The following GRID2 variants were observed in gnomAD, a reference collection of about 807,000 sequenced individuals.
GRID2 encodes the protein glutamate receptor ionotropic, delta-2.
GRID2 carries 33 observed loss-of-function variants against 114.8 expected under a neutral mutation model. The observed-to-expected ratio is 0.29, with a 90% CI of 0.22 to 0.38. GRID2 has a LOEUF of 0.38. Ranked by LOEUF, GRID2 falls within the 10% of genes least tolerant of loss-of-function variation. GRID2 has a pLI of 1.00. For missense variants in GRID2, 1,184 were observed against 1,257.7 expected, an observed-to-expected ratio of 0.94 and a Z score of 0.89; for synonymous variants, 505 against 449.9, an observed-to-expected ratio of 1.12 and a Z score of -1.55.
At chr4:92,803,677 A>AT (rs1740278870) in intron 2 of GRID2, among the ~76,000 whole-genome samples, 1 of 151,982 alleles carries the variant, frequency 6.6e-6, no homozygotes, top group African/African-American at 2.4e-5. Context: ...GCCCACTCAC[A>AT]TGTGTTTATC....
chr4:93,027,461 G>C (rs1560808006), intron 2 of GRID2, among the ~76,000 whole-genome samples: 1 of 152,004 alleles, frequency 6.6e-6, no homozygotes, highest in Admixed American at 6.6e-5. Context: ...TGTACTCCTG[G>C]TTGTATACTA....
At chr4:92,457,715 C>T (rs1721285824) in intron 1 of GRID2, among the ~76,000 whole-genome samples, 1 of 151,782 alleles carries the variant, frequency 6.6e-6, no homozygotes, top group African/African-American at 2.4e-5. Flanking sequence ...CAGCTGAGAC[C>T]TTTTTTTTAA....
chr4:93,466,015 A>T (rs940493392), intron 11 of GRID2, among the ~76,000 whole-genome samples: 1 of 152,186 alleles, frequency 6.6e-6, no homozygotes, highest in Non-Finnish European at 1.5e-5. Context: ...TTATATAGTA[A>T]ATTCTTTGGG....
chr4:92,405,964 G>A (rs960255518), intron 1 of GRID2, among the ~76,000 whole-genome samples: 13 of 152,266 alleles, frequency 8.5e-5, no homozygotes, highest in Non-Finnish European at 1.3e-4. Flanking sequence ...GAGCCAGTCT[G>A]AGTCCCAAAA....
At chr4:92,520,843 A>T (rs72661929) in intron 1 of GRID2, among the ~76,000 whole-genome samples, 32,693 of 151,842 alleles carry the variant, frequency 0.22, 4,234 homozygotes, top group Non-Finnish European at 0.29. Flanking sequence ...CTCCCTTTGT[A>T]ACTAAGATCT....
At chr4:93,294,888 G>A (rs1242514950) in intron 8 of GRID2, among the ~76,000 whole-genome samples, 1 of 152,048 alleles carries the variant, frequency 6.6e-6, no homozygotes, top group Non-Finnish European at 1.5e-5. Context: ...AGGAGAAAGT[G>A]TCCCTGTTTG....
intron 14 of GRID2, among the ~76,000 whole-genome samples, chr4:93,738,292 C>A (rs958586704): frequency 7.2e-5 from 11 of 152,100 alleles, no homozygotes; most frequent in Admixed American, 7.2e-4. Context: ...TTAGCAAGTG[C>A]AGTAGGAATC....
intron 2 of GRID2, among the ~76,000 whole-genome samples, chr4:92,834,133 C>T (rs1046633835): frequency 2.0e-5 from 3 of 152,118 alleles, no homozygotes; most frequent in South Asian, 2.1e-4. Context: ...AGGATTTCCC[C>T]TGAACCTTTA....
chr4:93,557,467 C>T (rs1336050641), intron 13 of GRID2, among the ~76,000 whole-genome samples: 1 of 151,942 alleles, frequency 6.6e-6, no homozygotes, highest in Non-Finnish European at 1.5e-5. Flanking sequence ...GACTTTAAAC[C>T]AACAAAGATC....
chr4:93,201,308 G>A (rs985918093), intron 4 of GRID2, among the ~76,000 whole-genome samples: 2 of 152,168 alleles, frequency 1.3e-5, no homozygotes, highest in African/African-American at 2.4e-5. Flanking sequence ...ATTACTTTTA[G>A]TGGAACTAGT....
intron 1 of GRID2, among the ~76,000 whole-genome samples, chr4:92,555,123 A>T (rs1726788193): frequency 6.6e-6 from 1 of 152,148 alleles, no homozygotes; most frequent in Non-Finnish European, 1.5e-5. Flanking sequence ...ATAAAATATT[A>T]AATAAAAGAG....
At chr4:92,673,828 T>A (rs1579815232) in intron 2 of GRID2, among the ~76,000 whole-genome samples, 1 of 150,504 alleles carries the variant, frequency 6.6e-6, no homozygotes, top group Non-Finnish European at 1.5e-5. Context: ...TGTCATGGGG[T>A]GGGGAGGAAG....
chr4:92,632,382 C>T (rs755171063), intron 2 of GRID2, among the ~76,000 whole-genome samples: 5 of 152,104 alleles, frequency 3.3e-5, no homozygotes, highest in Non-Finnish European at 7.4e-5. Context: ...CACCTGTAAT[C>T]CCAAGAATTT....
Position 92,863,843 on chromosome 4 carries a change from A to G in GRID2, c.245-221152A>G, listed in dbSNP as rs965899450. Reference sequence around the variant, plus strand: ...GTGCCCTGAGATCATCGCACTCTCGATGTTATTTAACTAAGATCTATGACC... The same window carrying G: ...GTGCCCTGAGATCATCGCACTCTCGGTGTTATTTAACTAAGATCTATGACC... On this transcript the variant is annotated intron_variant, in intron 2 of 15. Coordinates refer to ENST00000282020, the MANE Select transcript of GRID2 (RefSeq NM_001510.4). Among the ~76,000 whole-genome samples the G allele has an allele frequency of 1.2e-4, 19 of 152,224 alleles. 1 individual carries two copies. Among genetic ancestry groups the G allele is most frequent in the African/African-American group, 4.3e-4 (18 of 41,570 alleles).
chr4:93,312,796 T>C (rs368072924), intron 8 of GRID2, among the ~76,000 whole-genome samples: 2 of 152,318 alleles, frequency 1.3e-5, no homozygotes, highest in East Asian at 1.9e-4. Context: ...TTCCATTAGT[T>C]CACTACCCAT....
At chr4:92,907,116 C>T (rs1403501704) in intron 2 of GRID2, among the ~76,000 whole-genome samples, 1 of 152,140 alleles carries the variant, frequency 6.6e-6, no homozygotes, top group African/African-American at 2.4e-5. Flanking sequence ...ATGAGCCAAA[C>T]TTCATGATCA....
intron 14 of GRID2, among the ~76,000 whole-genome samples, chr4:93,741,185 A>ATATATATATGTATG: frequency 2.8e-5 from 1 of 35,766 alleles, no homozygotes; most frequent in South Asian, 1.1e-3. Context: ...ATATATATAT[A>ATATATATATGTATG]TATATATATA....
intron 14 of GRID2, among the ~76,000 whole-genome samples, chr4:93,677,081 T>G (rs1724950182): frequency 6.6e-6 from 1 of 152,088 alleles, no homozygotes; most frequent in African/African-American, 2.4e-5. Flanking sequence ...ACCCAAATAC[T>G]GCGCTTTCCC....
At chr4:93,494,367 GA>G (rs1430484343) in intron 12 of GRID2, among the ~76,000 whole-genome samples, 4 of 150,772 alleles carry the variant, frequency 2.7e-5, no homozygotes, top group Admixed American at 1.3e-4. Context: ...CAGTGAAGGG[GA>G]GAGAGAGAGA....
Sources: allele counts gnomAD v4.1 joint callset (sites outside exome capture counted in the v4.1 genomes callset), GRCh38; gene constraint gnomAD v4.1.1; transcripts MANE v1.5; gene names NCBI Gene and HGNC (gene_info 2026-07-23, HGNC 2026-07-21).